The following JPH1 variants were observed in gnomAD, a reference collection of about 807,000 sequenced individuals.
The protein encoded by JPH1 is junctophilin-1.
JPH1 carries 12 observed loss-of-function variants against 53.6 expected under a neutral mutation model. The ratio of observed to expected loss-of-function variants is 0.22; its 90% CI spans 0.14 to 0.36. The LOEUF (loss-of-function observed/expected upper bound fraction) is 0.36. Among genes scored for constraint, JPH1 ranks in the 10% least tolerant of loss-of-function variants. The pLI is 1.00. For synonymous variants in JPH1, 375 were observed against 363.8 expected (o/e 1.03, Z -0.35); for missense variants, 808 against 905.5 (o/e 0.89, Z 1.38).
intron 2 of JPH1, among the ~76,000 whole-genome samples, chr8:74,299,083 C>T (rs1458555675): frequency 2.6e-5 from 4 of 152,122 alleles, no homozygotes; most frequent in Non-Finnish European, 5.9e-5. Flanking sequence ...TCGGGCTGTA[C>T]ATCATTAGAT....
chr8:74,249,604 T>C lies in JPH1; in HGVS notation c.1259-4429A>G, dbSNP rs78470431. ...GTGGTATGAGTAACCAGCAAACTCA[T>C]GAATTATTAATTTCATGTCAACTAG... On this transcript the variant is annotated intron_variant, in intron 3 of 5. Coordinates refer to ENST00000342232, the MANE Select transcript of JPH1 (RefSeq NM_020647.4). Among the ~76,000 whole-genome samples the C allele has an allele frequency of 2.8e-3, 434 of 152,366 alleles. 1 individual carries two copies. Among genetic ancestry groups the C allele is most frequent in the African/African-American group, 9.8e-3 (406 of 41,586 alleles).
At chr8:74,254,280 C>T (rs1234724628) in intron 3 of JPH1, among the ~76,000 whole-genome samples, 1 of 152,026 alleles carries the variant, frequency 6.6e-6, no homozygotes, top group Non-Finnish European at 1.5e-5. Context: ...TAAACAGAAC[C>T]AAAGACAAAA....
rs1475969008 is a variant in JPH1 at position 74,320,816 on chromosome 8, G to A, written c.379+93C>T. ...GGTGTTTTGGCGGGTTTCCGGACACGTGCGCCCGGCGTCCTCCCCGCTTCC... is the reference window on the plus strand; with the variant it reads ...GGTGTTTTGGCGGGTTTCCGGACACATGCGCCCGGCGTCCTCCCCGCTTCC... On this transcript the variant is annotated intron_variant, in intron 1 of 5. Coordinates refer to ENST00000342232, the MANE Select transcript of JPH1 (RefSeq NM_020647.4). This position sits in a 1 kb window ranked among gnomAD's most constrained non-coding sequence, Gnocchi z 4.4. 2 of 1,358,148 alleles carry A rather than the reference G, an allele frequency of 1.5e-6. No individual in the cohort carries two copies. Among genetic ancestry groups the A allele is most frequent in the South Asian group, 3.4e-5 (2 of 59,452 alleles). The allele number at this position is 1,358,148 out of a possible 1,614,324, so 84.1% of individuals were successfully genotyped here.
intron 2 of JPH1, among the ~76,000 whole-genome samples, chr8:74,277,742 T>C (rs560488155): frequency 1.3e-5 from 2 of 152,340 alleles, no homozygotes; most frequent in East Asian, 3.9e-4. Context: ...ACATAAATCC[T>C]AACAACAGAA....
intron 2 of JPH1, among the ~76,000 whole-genome samples, chr8:74,287,187 T>C (rs1245971552): frequency 6.6e-6 from 1 of 152,172 alleles, no homozygotes; most frequent in South Asian, 2.1e-4. Flanking sequence ...ATCCCAGCAC[T>C]TTGGGAGGCT....
At position 74,237,237 on chromosome 8, in the gene JPH1, G is replaced by A. The variant is rs200862070; in HGVS notation, c.1972C>T (p.His658Tyr). 1.7e-5 allele frequency: 27 copies of A among 1,611,520 alleles called. No homozygotes were observed. Among genetic ancestry groups the A allele is most frequent in the Middle Eastern group, 1.6e-4 (1 of 6,084 alleles). The change falls in exon 5 of 6, where the codon CAC (histidine) becomes TAC (tyrosine). Residue 658 changes from histidine (H) to tyrosine (Y), a missense_variant. Coordinates refer to ENST00000342232, the MANE Select transcript of JPH1 (RefSeq NM_020647.4). ...LNIGLAILFV[H>Y]FLT Reference sequence around the variant, plus strand: ...CCTAATTCCAATCAAGTTAGAAAGTGAACAAAAAGAATGGCCAACCCGATA... The same window carrying A: ...CCTAATTCCAATCAAGTTAGAAAGTAAACAAAAAGAATGGCCAACCCGATA...
rs1030597565 is a variant in JPH1, at chr8:74,315,217, A to G, written c.783T>C (p.Asp261=). The change falls in exon 2 of 6, where the codon GAT becomes GAC. Residue 261 remains aspartate (D), a synonymous_variant. Coordinates refer to ENST00000342232, the MANE Select transcript of JPH1 (RefSeq NM_020647.4). This position sits in a 1 kb window ranked among gnomAD's most constrained non-coding sequence, Gnocchi z 6.3. ...CCACCGGGCAAAAATCACAATCTAC[A>G]TCGCCAAAGCTGATCGTGGAGTTGG... ...SDANSTISFG[D]VDCDFCPVED... is the part of the protein sequence containing the mutation. 6.2e-7 allele frequency: 1 copy of G among 1,614,176 alleles called. No homozygotes were observed.
chr8:74,311,344 A>G (rs1807988187), intron 2 of JPH1, among the ~76,000 whole-genome samples: 1 of 152,192 alleles, frequency 6.6e-6, no homozygotes, highest in Admixed American at 6.5e-5. Context: ...TTACAAACAA[A>G]AACATTGATA....
At chr8:74,274,325 A>C (rs1427292655) in intron 2 of JPH1, among the ~76,000 whole-genome samples, 1 of 152,242 alleles carries the variant, frequency 6.6e-6, no homozygotes, top group Non-Finnish European at 1.5e-5. Context: ...GGAAAAGTAA[A>C]GATGCTTTCT....
intron 3 of JPH1, among the ~76,000 whole-genome samples, chr8:74,251,061 G>A (rs527486218): frequency 2.0e-5 from 3 of 152,186 alleles, no homozygotes; most frequent in Non-Finnish European, 4.4e-5. Context: ...GGGCTAGCCT[G>A]ATACATCCAT....
chr8:74,310,603 A>C (rs1273931545), intron 2 of JPH1, among the ~76,000 whole-genome samples: 1 of 152,168 alleles, frequency 6.6e-6, no homozygotes, highest in Non-Finnish European at 1.5e-5. Context: ...AAGCCTTCTG[A>C]AACAAGCCTC....
chr8:74,319,701 C>A (rs749215230), intron 1 of JPH1, among the ~76,000 whole-genome samples: 5 of 152,184 alleles, frequency 3.3e-5, no homozygotes, highest in Admixed American at 6.5e-5. Context: ...AATGGGGTTG[C>A]AGTGGGCTGG....
At chr8:74,298,531 T>G (rs1807584463) in intron 2 of JPH1, among the ~76,000 whole-genome samples, 1 of 152,156 alleles carries the variant, frequency 6.6e-6, no homozygotes, top group African/African-American at 2.4e-5. Flanking sequence ...TTTCCACTTG[T>G]GTGTTGCATA....
intron 3 of JPH1, among the ~76,000 whole-genome samples, chr8:74,256,333 A>C (rs1028065605): frequency 5.4e-5 from 8 of 147,090 alleles, no homozygotes; most frequent in Non-Finnish European, 7.5e-5. Flanking sequence ...ATAGGTGGGA[A>C]TTGATCAATG....
At chr8:74,288,385 A>G (rs922638450) in intron 2 of JPH1, among the ~76,000 whole-genome samples, 1 of 152,182 alleles carries the variant, frequency 6.6e-6, no homozygotes, top group African/African-American at 2.4e-5. Context: ...AACAGCATGC[A>G]TGTCATCAGC....
intron 3 of JPH1, among the ~76,000 whole-genome samples, chr8:74,256,190 C>T (rs1244509831): frequency 6.6e-6 from 1 of 152,152 alleles, no homozygotes; most frequent in East Asian, 1.9e-4. Context: ...GGCACATATA[C>T]ACCGTGGAAT....
intron 2 of JPH1, among the ~76,000 whole-genome samples, chr8:74,268,645 A>T (rs1806608307): frequency 6.6e-6 from 1 of 152,144 alleles, no homozygotes; most frequent in African/African-American, 2.4e-5. Flanking sequence ...GCTTGATAAG[A>T]ACTTCAGAAC....
intron 2 of JPH1, among the ~76,000 whole-genome samples, chr8:74,263,332 G>A (rs777672158): frequency 1.3e-5 from 2 of 152,220 alleles, no homozygotes; most frequent in African/African-American, 2.4e-5. Context: ...GACATATTAA[G>A]TGTAAGTTAG....
At chr8:74,306,903 A>C (rs893226817) in intron 2 of JPH1, among the ~76,000 whole-genome samples, 1 of 152,130 alleles carries the variant, frequency 6.6e-6, no homozygotes, top group Non-Finnish European at 1.5e-5. Flanking sequence ...GGCCTACACT[A>C]ACATACTTAA....
Sources: gnomAD v4.1 joint callset for allele counts (sites outside exome capture counted in the v4.1 genomes callset) on GRCh38, gnomAD v4.1.1 for gene constraint, Gnocchi (gnomAD v3.1) non-coding constraint, MANE v1.5 for transcripts, NCBI Gene and HGNC (gene_info 2026-07-23, HGNC 2026-07-21) for gene names.